CACNA1B: variants seen among roughly 807,000 people sequenced by gnomAD.
CACNA1B encodes the protein voltage-dependent N-type calcium channel subunit alpha-1B.
Under a neutral mutation model 247.2 loss-of-function variants are expected in CACNA1B, and 70 were observed. The ratio of observed to expected loss-of-function variants is 0.28; its 90% CI spans 0.23 to 0.35. The LOEUF (loss-of-function observed/expected upper bound fraction) is 0.35, where lower values mean the gene tolerates loss of function less well. Ranked by LOEUF, CACNA1B falls within the 10% of genes least tolerant of loss-of-function variation. CACNA1B has a pLI of 1.00. For missense variants in CACNA1B, 2,367 were observed against 3,197.4 expected (o/e 0.74, Z 6.26); for synonymous variants, 1,231 against 1,294.4 (o/e 0.95, Z 1.05).
chr9:137,895,124 G>T (rs1020120012), intron 3 of CACNA1B, among the ~76,000 whole-genome samples: 4 of 152,160 alleles, frequency 2.6e-5, no homozygotes, highest in African/African-American at 9.7e-5. Flanking sequence ...CCATTGAATT[G>T]CTTTTGTGCT....
At chr9:137,879,190 T>A (rs980340042) in intron 2 of CACNA1B, 31 bp downstream of exon 2, 1 of 1,435,306 alleles carries the variant, frequency 7.0e-7, no homozygotes, top group Admixed American at 1.7e-5. Context: ...GAGGGCAGGG[T>A]GGTGGGGAGG....
intron 34 of CACNA1B, among the ~76,000 whole-genome samples, chr9:138,075,251 T>A (rs1401310762): frequency 6.6e-6 from 1 of 152,234 alleles, no homozygotes; most frequent in Non-Finnish European, 1.5e-5. Context: ...TTTTTCCTGC[T>A]TTGGTCTGTG....
intron 6 of CACNA1B, among the ~76,000 whole-genome samples, chr9:137,945,754 C>A (rs1023581165): frequency 3.9e-4 from 59 of 152,196 alleles, no homozygotes; most frequent in Non-Finnish European, 7.5e-4. Context: ...TTTCACAAAT[C>A]TTTTTCACGA....
intron 15 of CACNA1B, among the ~76,000 whole-genome samples, chr9:138,005,148 G>A (rs2168526): frequency 0.29 from 43,628 of 152,146 alleles, 8,840 homozygotes; most frequent in East Asian, 0.64. Context: ...GTTGGAACAT[G>A]AAGTGCTGCC....
intron 6 of CACNA1B, among the ~76,000 whole-genome samples, chr9:137,923,328 T>C (rs1353322996): frequency 6.7e-6 from 1 of 150,102 alleles, no homozygotes; most frequent in Admixed American, 6.6e-5. Flanking sequence ...TGGCTCCAGG[T>C]GGTATTCCGT....
intron 15 of CACNA1B, among the ~76,000 whole-genome samples, chr9:137,996,869 A>T (rs1958507152): frequency 6.6e-6 from 1 of 151,402 alleles, no homozygotes; most frequent in Non-Finnish European, 1.5e-5. Flanking sequence ...ATCAGAAAAG[A>T]AAAATACAGA....
Position 138,013,129 on chromosome 9 carries a change from G to C in CACNA1B, c.2161G>C (p.Asp721His). The C allele has an allele frequency of 6.2e-7, 1 of 1,611,938 alleles. No homozygotes were observed. Among genetic ancestry groups the C allele is most frequent in the Non-Finnish European group, 8.5e-7 (1 of 1,178,202 alleles). Residue 721 changes from aspartate (D) to histidine (H), a missense_variant and splice_region_variant, in exon 18 of 47, where the codon GAT becomes CAT. Physicochemically the swap from Asp to His is moderately conservative, Grantham distance 81. Around this residue, in one of 12 missense-constraint regions of CACNA1B, gnomAD observed 76 missense variants for 191.0 expected, o/e 0.40. Coordinates refer to ENST00000371372, the MANE Select transcript of CACNA1B (RefSeq NM_000718.4). ...NLANAQELTK[D>H]EEEMEEAANQ... The stretch of plus-strand genomic sequence containing the variant: ...TGGACATTTCTCTTTGCTCAAACAG[G>C]ATGAAGAGGAGATGGAAGAAGCAGC...
intron 42 of CACNA1B, among the ~76,000 whole-genome samples, chr9:138,117,655 G>T (rs1220488064): frequency 6.6e-6 from 1 of 152,162 alleles, no homozygotes; most frequent in Non-Finnish European, 1.5e-5. Context: ...GAGCACTGTG[G>T]GCTGTAAGCT....
chr9:137,975,343 G>A (rs879381112), intron 11 of CACNA1B, among the ~76,000 whole-genome samples: 1 of 152,120 alleles, frequency 6.6e-6, no homozygotes, highest in Non-Finnish European at 1.5e-5. Flanking sequence ...GTCTACCCTC[G>A]GGGCAGCAAA....
Position 138,057,741 on chromosome 9 carries a change from T to C in CACNA1B, c.3978T>C (p.Tyr1326=). The change falls in exon 27 of 47, where the codon TAT becomes TAC. Residue 1326 remains tyrosine, a synonymous_variant. Coordinates refer to ENST00000371372, the MANE Select transcript of CACNA1B (RefSeq NM_000718.4). This position sits in a 1 kb window ranked among gnomAD's most constrained non-coding sequence, Gnocchi z 4.0. ...ATGTTCTCATTCCTAGGGGTCAGTA[T>C]TTGGATTATGAGAAGGAGGAAGTGG... ...KELERDCRGQ[Y]LDYEKEEVEA... The C allele has an allele frequency of 1.2e-6, 2 of 1,612,052 alleles. No individual in the cohort carries two copies. Among genetic ancestry groups the C allele is most frequent in the Non-Finnish European group, 1.7e-6 (2 of 1,178,574 alleles).
At position 137,957,764 on chromosome 9, in the gene CACNA1B, C is replaced by G. The variant is rs1440213366; in HGVS notation, c.1333+77C>G. 9.4e-7 allele frequency: 1 copy of G among 1,061,374 alleles called. No homozygotes were observed. Among genetic ancestry groups the G allele is most frequent in the Non-Finnish European group, 1.3e-6 (1 of 741,646 alleles). 65.7% of individuals were successfully genotyped at this position (1,061,374 alleles called of 1,614,324 possible). A position where few individuals can be genotyped will look rare whatever the true frequency, so the allele number is the denominator to read the frequency against. On this transcript the variant is annotated intron_variant, in intron 10 of 46. Coordinates refer to ENST00000371372, the MANE Select transcript of CACNA1B (RefSeq NM_000718.4). This position sits in a 1 kb window ranked among gnomAD's most constrained non-coding sequence, Gnocchi z 4.7. ...GTGCATGCTCCGCTTCCCCTGCTACCCAGCCACTGTTGGACGCCCCTTCTT... is the reference window on the plus strand; with the variant it reads ...GTGCATGCTCCGCTTCCCCTGCTACGCAGCCACTGTTGGACGCCCCTTCTT...
At chr9:138,117,721 G>A (rs1336587359) in intron 42 of CACNA1B, among the ~76,000 whole-genome samples, 1 of 152,090 alleles carries the variant, frequency 6.6e-6, no homozygotes, top group Non-Finnish European at 1.5e-5. Context: ...ACCCTGTTTT[G>A]GATCCATGTC....
chr9:138,038,621 G>A (rs1157608979), intron 20 of CACNA1B, among the ~76,000 whole-genome samples: 1 of 152,236 alleles, frequency 6.6e-6, no homozygotes, highest in African/African-American at 2.4e-5. Context: ...ACAACCTTCT[G>A]GTTCAGATGA....
chr9:138,103,534 C>T lies in CACNA1B; in HGVS notation c.5319+727C>T, dbSNP rs539987010. Among the ~76,000 whole-genome samples, 11 of 152,216 alleles carry T rather than the reference C, an allele frequency of 7.2e-5. 1 individual carries two copies. The East Asian group carries it at 1.9e-3, about 27-fold the overall frequency. On this transcript the variant is annotated intron_variant, in intron 38 of 46. Transcript: ENST00000371372. Reference sequence around the variant, plus strand: ...GGGTAAATCGAGGGATGCCTCCAGGCCTCCCTCCTGGGTGGGCAAGCAGAT... The same window carrying T: ...GGGTAAATCGAGGGATGCCTCCAGGTCTCCCTCCTGGGTGGGCAAGCAGAT...
chr9:138,026,850 A>G (rs114823396), intron 20 of CACNA1B, among the ~76,000 whole-genome samples: 2,231 of 152,320 alleles, frequency 0.015, 61 homozygotes, highest in African/African-American at 0.05. Context: ...CTGACAAACT[A>G]TCTTCCAAAG....
chr9:138,029,984 A>G (rs1175171130), intron 20 of CACNA1B, among the ~76,000 whole-genome samples: 2 of 152,112 alleles, frequency 1.3e-5, no homozygotes, highest in East Asian at 1.9e-4. Context: ...GTGTTTGTAG[A>G]TTCTTTGGGA....
At position 138,011,809 on chromosome 9, in the gene CACNA1B, C is replaced by T. The variant is rs1022044169; in HGVS notation, c.2161-1320C>T. Among the ~76,000 whole-genome samples the T allele has an allele frequency of 3.3e-5, 5 of 152,170 alleles. No individual in the cohort carries two copies. The highest frequency in any genetic ancestry group is 7.3e-5 in the Non-Finnish European group (5 of 68,030). ...TAACAAGGGACTTAGTTTCTGCCAG[C>T]GTTGCGCCCCGAATGCAGATTCAAG... On this transcript the variant is annotated intron_variant, in intron 17 of 46. Coordinates refer to ENST00000371372, the MANE Select transcript of CACNA1B (RefSeq NM_000718.4). The surrounding 1 kb of genome is among the most constrained non-coding windows in gnomAD (Gnocchi z 4.2).
intron 3 of CACNA1B, among the ~76,000 whole-genome samples, chr9:137,907,060 C>T (rs11137300): frequency 0.03 from 4,511 of 152,212 alleles, 96 homozygotes; most frequent in Non-Finnish European, 0.043. Context: ...TGCCAGGGCA[C>T]GTGGGTGTGT....
chr9:138,117,571 A>C (rs1589138142), intron 42 of CACNA1B, among the ~76,000 whole-genome samples: 1 of 152,140 alleles, frequency 6.6e-6, no homozygotes, highest in South Asian at 2.1e-4. Flanking sequence ...GGCAAGGACA[A>C]CCCCTGCTCC....
Sources: gnomAD v4.1 joint callset for allele counts (sites outside exome capture counted in the v4.1 genomes callset) on GRCh38, gnomAD v4.1.1 for gene constraint, gnomAD v4.1.1 regional missense constraint, Gnocchi (gnomAD v3.1) non-coding constraint, MANE v1.5 for transcripts, NCBI Gene and HGNC (gene_info 2026-07-23, HGNC 2026-07-21) for gene names.